Variants in CDH12 observed in about 807,000 individuals in gnomAD.
The protein encoded by CDH12 is cadherin-12.
In CDH12, 41 loss-of-function variants were observed where a neutral mutation model predicts 74.1. The ratio of observed to expected loss-of-function variants is 0.55; its 90% CI spans 0.43 to 0.72. The LOEUF (loss-of-function observed/expected upper bound fraction) is 0.72. Among genes scored for constraint, CDH12 ranks in the 30% least tolerant of loss-of-function variants. The probability of loss-of-function intolerance (pLI) is 0.00; values close to 1 mark genes in which losing one functional copy is unlikely to be tolerated. For synonymous variants in CDH12, 399 were observed against 355.0 expected (o/e 1.12, Z -1.39); for missense variants, 945 against 977.2 (o/e 0.97, Z 0.44).
intron 8 of CDH12, among the ~76,000 whole-genome samples, chr5:21,836,698 A>G (rs1749554918): frequency 6.6e-6 from 1 of 151,914 alleles, no homozygotes; most frequent in Non-Finnish European, 1.5e-5. Flanking sequence ...TGTATAATTT[A>G]GATCAGCTTG....
chr5:22,809,599 A>T (rs1749027287), intron 1 of CDH12, among the ~76,000 whole-genome samples: 1 of 151,920 alleles, frequency 6.6e-6, no homozygotes, highest in African/African-American at 2.4e-5. Flanking sequence ...ATTTAAAAAA[A>T]TAAATTGATT....
intron 10 of CDH12, among the ~76,000 whole-genome samples, chr5:21,796,035 T>C (rs989433757): frequency 6.6e-6 from 1 of 152,084 alleles, no homozygotes; most frequent in Non-Finnish European, 1.5e-5. Flanking sequence ...CTTTTGGTAG[T>C]TGAAAATGTT....
chr5:22,849,482 C>G (rs939406363), intron 1 of CDH12, among the ~76,000 whole-genome samples: 1 of 152,002 alleles, frequency 6.6e-6, no homozygotes. Flanking sequence ...CGTGCTTTGC[C>G]GGTAAGTCTA....
At chr5:22,094,752 CA>C (rs1379302317) in intron 4 of CDH12, among the ~76,000 whole-genome samples, 1 of 152,148 alleles carries the variant, frequency 6.6e-6, no homozygotes, top group African/African-American at 2.4e-5. Flanking sequence ...GTGACCTGCA[CA>C]TACACATCCA....
At chr5:21,778,928 G>GCT (rs776570565) in intron 11 of CDH12, among the ~76,000 whole-genome samples, 6 of 152,128 alleles carry the variant, frequency 3.9e-5, no homozygotes, top group Non-Finnish European at 1.5e-5. Context: ...ACATAAAATA[G>GCT]CTATATAGAA....
chr5:22,385,828 G>A (rs1741972059), intron 3 of CDH12, among the ~76,000 whole-genome samples: 3 of 151,564 alleles, frequency 2.0e-5, no homozygotes, highest in South Asian at 2.1e-4. Context: ...GGGGAAGCAG[G>A]CACATCTTAC....
chr5:22,568,096 C>A (rs1739377113), intron 1 of CDH12, among the ~76,000 whole-genome samples: 1 of 152,142 alleles, frequency 6.6e-6, no homozygotes, highest in African/African-American at 2.4e-5. Context: ...TTTACTAAGG[C>A]ACTGGAAAAC....
Position 22,390,994 on chromosome 5 carries a change from T to C in CDH12, c.-333+14263A>G, listed in dbSNP as rs188155287. Among the ~76,000 whole-genome samples, 93 of 152,310 alleles carry C rather than the reference T, an allele frequency of 6.1e-4. 1 individual carries two copies. The highest frequency in any genetic ancestry group is 2.2e-3 in the Admixed American group (33 of 15,298). ...TGCTTTGGTTGGGATGATGCTACAT[T>C]CTATGATAGAGTGAACTATAGGGTT... On this transcript the variant is annotated intron_variant, in intron 3 of 14. Coordinates refer to ENST00000382254, the MANE Select transcript of CDH12 (RefSeq NM_004061.5).
intron 1 of CDH12, among the ~76,000 whole-genome samples, chr5:22,737,016 C>G (rs1452904743): frequency 4.0e-5 from 6 of 151,894 alleles, no homozygotes. Flanking sequence ...ATAGTTAAGA[C>G]TAGGCTTTTG....
Position 21,988,424 on chromosome 5 carries a change from G to A in CDH12, c.232-13039C>T, listed in dbSNP as rs1309649431. On this transcript the variant is annotated intron_variant, in intron 5 of 14. Transcript: ENST00000382254. ...GGAGAATGGCGTGAACCCAGGAGGC[G>A]GAGGTTGCAGTGAGCCAAGATCATT... is the stretch of plus-strand genomic sequence containing the variant. Among the ~76,000 whole-genome samples the A allele has an allele frequency of 4.7e-5, 7 of 148,164 alleles. 1 individual carries two copies. The highest frequency in any genetic ancestry group is 4.3e-4 in the South Asian group (2 of 4,676).
intron 3 of CDH12, among the ~76,000 whole-genome samples, chr5:22,322,257 C>T (rs1163953067): frequency 1.3e-5 from 2 of 151,958 alleles, no homozygotes; most frequent in South Asian, 2.1e-4. Flanking sequence ...CTTAGGATTC[C>T]GCTCATGGAG....
At chr5:22,244,739 G>A (rs371762563) in intron 3 of CDH12, among the ~76,000 whole-genome samples, 12 of 71,686 alleles carry the variant, frequency 1.7e-4, no homozygotes, top group African/African-American at 4.8e-4. Flanking sequence ...AAGAAAGAAA[G>A]AAAAGAAAGA....
chr5:21,821,318 T>C (rs1254557116), intron 8 of CDH12, among the ~76,000 whole-genome samples: 3 of 151,868 alleles, frequency 2.0e-5, no homozygotes, highest in Non-Finnish European at 4.4e-5. Context: ...AAAATAAATA[T>C]ATTTACTTGA....
intron 1 of CDH12, among the ~76,000 whole-genome samples, chr5:22,784,243 A>G (rs2126358617): frequency 6.6e-6 from 1 of 152,216 alleles, no homozygotes; most frequent in Middle Eastern, 3.4e-3. Context: ...ATAATGTTAT[A>G]TCACTAGCAG....
chr5:22,513,466 T>C (rs368337709), intron 1 of CDH12, among the ~76,000 whole-genome samples: 3 of 152,254 alleles, frequency 2.0e-5, no homozygotes, highest in African/African-American at 7.2e-5. Context: ...GAACATGAAA[T>C]GAGCATCATA....
chr5:22,853,243 C>A lies in CDH12; in HGVS notation c.-708G>T, dbSNP rs1035659032. On this transcript the variant is annotated 5_prime_UTR_variant, in exon 1 of 15. Transcript: ENST00000382254. ...AAGAAGGTTCTCCAGGCCGGGCAGC[C>A]AGTAGACACCACTTTCTTCCTGGAA... 2.0e-5 allele frequency: 3 copies of A among 152,288 alleles called. No homozygotes were observed. Among genetic ancestry groups the A allele is most frequent in the South Asian group, 2.1e-4 (1 of 4,826 alleles). 9.4% of individuals were successfully genotyped at this position (152,288 alleles called of 1,614,324 possible). A position where few individuals can be genotyped will look rare whatever the true frequency, so the allele number is the denominator to read the frequency against.
chr5:22,783,555 G>T (rs1254305445), intron 1 of CDH12, among the ~76,000 whole-genome samples: 1 of 152,134 alleles, frequency 6.6e-6, no homozygotes, highest in East Asian at 1.9e-4. Flanking sequence ...CACAACTTCA[G>T]GGAGTAAAGT....
chr5:21,883,178 G>T (rs565148187), intron 6 of CDH12: 2 of 1,479,394 alleles, frequency 1.4e-6, no homozygotes, highest in South Asian at 1.1e-5. Flanking sequence ...TTGGAAGAAA[G>T]GGTGTCATCA....
chr5:21,956,468 T>C (rs1221396971), intron 6 of CDH12, among the ~76,000 whole-genome samples: 3 of 152,084 alleles, frequency 2.0e-5, no homozygotes, highest in Non-Finnish European at 2.9e-5. Flanking sequence ...TCTGGGGTAA[T>C]CTTTAGACAT....
Sources: gnomAD v4.1 joint callset for allele counts (sites outside exome capture counted in the v4.1 genomes callset) on GRCh38, gnomAD v4.1.1 for gene constraint, MANE v1.5 for transcripts, NCBI Gene and HGNC (gene_info 2026-07-23, HGNC 2026-07-21) for gene names.